Variants in INSR observed in about 807,000 individuals in gnomAD.
INSR encodes the protein IR.
A neutral mutation model predicts 142.6 loss-of-function variants in INSR; 67 were observed. That is an observed-to-expected ratio of 0.47 (90% CI 0.39 to 0.58). The LOEUF is 0.58. Among genes scored for constraint, INSR ranks in the 20% least tolerant of loss-of-function variants. The pLI is 0.00. For synonymous variants in INSR, 756 were observed against 743.1 expected (o/e 1.02, Z -0.28); for missense variants, 1,248 against 1,833.2 (o/e 0.68, Z 5.83).
chr19:7,164,508 G>A (rs959774572), intron 8 of INSR, among the ~76,000 whole-genome samples: 14 of 151,168 alleles, frequency 9.3e-5, no homozygotes, highest in African/African-American at 3.2e-4. Context: ...ACATGGTGAA[G>A]CCCCATCTCT....
At chr19:7,124,541 GAAAAAAAA>G (rs531613079) in intron 17 of INSR, among the ~76,000 whole-genome samples, 2 of 9,920 alleles carry the variant, frequency 2.0e-4, no homozygotes, top group Admixed American at 2.3e-3. Context: ...TCCGTTTCAG[GAAAAAAAA>G]AAAAAAAAAA....
chr19:7,215,815 C>T (rs1042536711), intron 2 of INSR, among the ~76,000 whole-genome samples: 6 of 151,780 alleles, frequency 4.0e-5, no homozygotes, highest in Non-Finnish European at 7.4e-5. Flanking sequence ...GTGATCCACT[C>T]ACCTTGGCCT....
chr19:7,258,055 G>A (rs1175490974), intron 2 of INSR, among the ~76,000 whole-genome samples: 1 of 152,142 alleles, frequency 6.6e-6, no homozygotes. Flanking sequence ...TGAACTCCTG[G>A]CCTCGAGTGA....
rs78268326 is a variant in INSR at position 7,283,875 on chromosome 19, C to T, written c.100+9917G>A. ...GGGTAAGTACCTGCGAACTTCTGGC[C>T]ACAACACATTTATCCATGGATCAAT... On this transcript the variant is annotated intron_variant, in intron 1 of 21. Transcript: ENST00000302850. Among the ~76,000 whole-genome samples, 112 of 152,202 alleles carry T rather than the reference C, an allele frequency of 7.4e-4. 2 individuals carry two copies. In the East Asian group the frequency reaches 0.02, roughly 28 times the overall value.
chr19:7,130,822 C>T (rs1401002659), intron 14 of INSR, among the ~76,000 whole-genome samples: 3 of 151,470 alleles, frequency 2.0e-5, no homozygotes, highest in African/African-American at 7.3e-5. Context: ...CTCTCTTTTT[C>T]TCTCTTTCTT....
At chr19:7,233,668 C>CTTTTTTTTTTTTTTTTTT (rs35763064) in intron 2 of INSR, among the ~76,000 whole-genome samples, 1 of 72,408 alleles carries the variant, frequency 1.4e-5, no homozygotes, top group Non-Finnish European at 2.4e-5. Flanking sequence ...CTTTTTCTGT[C>CTTTTTTTTTTTTTTTTTT]TTTTTTTTTT....
chr19:7,153,341 AC>A (rs1973480952), intron 9 of INSR, among the ~76,000 whole-genome samples: 18 of 135,998 alleles, frequency 1.3e-4, no homozygotes, highest in East Asian at 5.1e-4. Flanking sequence ...CCCACGCCAC[AC>A]ACCACAGACC....
intron 2 of INSR, 137 bp from the exon 3 acceptor site, chr19:7,184,774 C>T: frequency 3.4e-6 from 2 of 585,388 alleles, no homozygotes; most frequent in Non-Finnish European, 5.1e-6. Flanking sequence ...CAACCAAACA[C>T]TAACAGTAAA....
At chr19:7,249,050 C>T (rs1005111214) in intron 2 of INSR, among the ~76,000 whole-genome samples, 8 of 152,116 alleles carry the variant, frequency 5.3e-5, no homozygotes, top group African/African-American at 1.2e-4. Flanking sequence ...TGAGTTACTG[C>T]GCCCATGTCC....
intron 1 of INSR, among the ~76,000 whole-genome samples, chr19:7,269,587 C>T (rs1033798468): frequency 6.6e-6 from 1 of 150,418 alleles, no homozygotes; most frequent in South Asian, 2.1e-4. Flanking sequence ...ATGCCAGTCC[C>T]AGCCCCCCCA....
chr19:7,293,435 C>T (rs1352546904), intron 1 of INSR, among the ~76,000 whole-genome samples: 1 of 152,210 alleles, frequency 6.6e-6, no homozygotes, highest in African/African-American at 2.4e-5. Context: ...CCCCACTTCC[C>T]GGCCGCGACC....
At chr19:7,259,825 A>T (rs1403096729) in intron 2 of INSR, among the ~76,000 whole-genome samples, 1 of 151,840 alleles carries the variant, frequency 6.6e-6, no homozygotes, top group East Asian at 1.9e-4. Context: ...TCTCAAAAAA[A>T]AAAAAAAGAA....
At position 7,119,480 on chromosome 19, in the gene INSR, G is replaced by T; in HGVS notation, c.3763C>A (p.Leu1255Met). ...TCTGGACAGTTGTCGGGTTGATCCA[G>T]ATACCCTCCATCCATGACAAATTTC... is the stretch of plus-strand genomic sequence containing the variant. ...VLKFVMDGGY[L>M]DQPDNCPERV... The change falls in exon 21 of 22, where the codon CTG becomes ATG. Residue 1255 changes from leucine to methionine, a missense_variant. Physicochemically the swap from Leu to Met is conservative, Grantham distance 15. This residue lies in a region of INSR where 1,069 missense variants were observed against 1,654.0 expected (regional missense o/e 0.65). Coordinates refer to ENST00000302850, the MANE Select transcript of INSR (RefSeq NM_000208.4). The surrounding 1 kb of genome is among the most constrained non-coding windows in gnomAD (Gnocchi z 5.2). 1 of 1,614,162 alleles carries T rather than the reference G, an allele frequency of 6.2e-7. No individual in the cohort carries two copies. The highest frequency in any genetic ancestry group is 8.5e-7 in the Non-Finnish European group (1 of 1,180,036).
rs1284085193 is a variant in INSR at position 7,234,400 on chromosome 19, G to A, written c.652+32945C>T. 2.0e-5 allele frequency among the ~76,000 whole-genome samples: 3 copies of A among 152,090 alleles called. No homozygotes were observed. In the East Asian group the frequency reaches 5.8e-4, roughly 29 times the overall value. On this transcript the variant is annotated intron_variant, in intron 2 of 21. Coordinates refer to ENST00000302850, the MANE Select transcript of INSR (RefSeq NM_000208.4). The stretch of plus-strand genomic sequence containing the variant: ...TTTTAAATTTTTTGTAGAGATGGGG[G>A]TCTCGCCATGTTGCCCAGGCTGGTC...
chr19:7,289,109 A>T (rs541015280), intron 1 of INSR, among the ~76,000 whole-genome samples: 1 of 152,050 alleles, frequency 6.6e-6, no homozygotes, highest in Non-Finnish European at 1.5e-5. Flanking sequence ...GCCTTCCAGG[A>T]GGGGGGACTG....
chr19:7,289,030 T>C (rs1279831093), intron 1 of INSR, among the ~76,000 whole-genome samples: 1 of 151,006 alleles, frequency 6.6e-6, no homozygotes, highest in Non-Finnish European at 1.5e-5. Context: ...GCCAACATCT[T>C]AGCCCAGGTA....
chr19:7,266,838 G>A (rs1299072406), intron 2 of INSR, among the ~76,000 whole-genome samples: 4 of 151,860 alleles, frequency 2.6e-5, no homozygotes, highest in South Asian at 2.1e-4. Context: ...CTTTTTTTTC[G>A]TTTACAAGTG....
intron 6 of INSR, among the ~76,000 whole-genome samples, chr19:7,169,170 G>C (rs6510954): frequency 0.24 from 36,760 of 151,798 alleles, 4,542 homozygotes; most frequent in Middle Eastern, 0.3. Flanking sequence ...TCTCTTTCTG[G>C]GTTTGGCCAA....
rs373544484 is a variant in INSR, at chr19:7,131,026, A to G, written c.2842+1132T>C. Among the ~76,000 whole-genome samples the G allele has an allele frequency of 2.0e-4, 27 of 133,664 alleles. 3 individuals are homozygous for G. The highest frequency in any genetic ancestry group is 8.5e-4 in the African/African-American group (27 of 31,858). The allele number at this position is 133,664 out of a possible 152,430, so 87.7% of individuals were successfully genotyped here. A position where few individuals can be genotyped will look rare whatever the true frequency, so the allele number is the denominator to read the frequency against. On this transcript the variant is annotated intron_variant, in intron 14 of 21. Coordinates refer to ENST00000302850, the MANE Select transcript of INSR (RefSeq NM_000208.4). ...CCTGAGTAGCTGGGACTGCGGGTGC[A>G]CACCACTATGCCCAGCTAATTTTTG...
Sources: allele counts gnomAD v4.1 joint callset (sites outside exome capture counted in the v4.1 genomes callset), GRCh38; gene constraint gnomAD v4.1.1; regional missense constraint gnomAD v4.1.1; non-coding constraint Gnocchi (gnomAD v3.1); transcripts MANE v1.5; gene names NCBI Gene and HGNC (gene_info 2026-07-23, HGNC 2026-07-21).